ILKAP: variants seen among roughly 807,000 people sequenced by gnomAD.
The protein encoded by ILKAP is ILK associated serine/threonine phosphatase.
In ILKAP, 11 loss-of-function variants were observed where a neutral mutation model predicts 49.1. That is an observed-to-expected ratio of 0.22 (90% CI 0.14 to 0.37). ILKAP has a LOEUF of 0.37. Among genes scored for constraint, ILKAP ranks in the 10% least tolerant of loss-of-function variants. The pLI, the probability that ILKAP is intolerant of heterozygous loss-of-function variation, is 1.00. For synonymous variants in ILKAP, 186 were observed against 192.8 expected, an observed-to-expected ratio of 0.96 and a Z score of 0.29; for missense variants, 363 against 510.8, an observed-to-expected ratio of 0.71 and a Z score of 2.79.
chr2:238,185,802 T>TAA (rs200520377), intron 5 of ILKAP: 25 of 136,620 alleles, frequency 1.8e-4, no homozygotes, highest in Middle Eastern at 3.7e-3. Context: ...AGATTCTGTC[T>TAA]AAAAAAAAAA....
chr2:238,172,511 A>G (rs1056688656), intron 10 of ILKAP, among the ~76,000 whole-genome samples: 3 of 152,166 alleles, frequency 2.0e-5, no homozygotes, highest in African/African-American at 4.8e-5. Context: ...CATGACTACA[A>G]CCCAGGAAGG....
At chr2:238,176,865 C>G (rs1467156025) in intron 9 of ILKAP, among the ~76,000 whole-genome samples, 2 of 152,230 alleles carry the variant, frequency 1.3e-5, no homozygotes, top group Non-Finnish European at 2.9e-5. Context: ...GGTGGAAGCT[C>G]CATCTCCTGA....
Position 238,197,050 on chromosome 2 carries a change from G to A in ILKAP, c.56-2180C>T, listed in dbSNP as rs553750052. ...TGTCTCTCCAGAAATACAAAAATTAGCTAGGCATGGTGGCGGGTGCCTGTA... is the reference window on the plus strand; with the variant it reads ...TGTCTCTCCAGAAATACAAAAATTAACTAGGCATGGTGGCGGGTGCCTGTA... On this transcript the variant is annotated intron_variant, in intron 1 of 11. Coordinates refer to ENST00000254654, the MANE Select transcript of ILKAP (RefSeq NM_030768.3). Among the ~76,000 whole-genome samples the A allele has an allele frequency of 6.6e-5, 10 of 152,262 alleles. 1 individual carries two copies. In the South Asian group the frequency reaches 1.9e-3, roughly 28 times the overall value.
At chr2:238,202,099 C>T (rs1040388663) in intron 1 of ILKAP, among the ~76,000 whole-genome samples, 1 of 152,156 alleles carries the variant, frequency 6.6e-6, no homozygotes, top group South Asian at 2.1e-4. Flanking sequence ...GTGGTCGGCG[C>T]CTGTAATCTC....
At chr2:238,199,017 T>C (rs1249675040) in intron 1 of ILKAP, among the ~76,000 whole-genome samples, 2 of 152,178 alleles carry the variant, frequency 1.3e-5, no homozygotes, top group African/African-American at 4.8e-5. Context: ...CTTTCCACTT[T>C]CCTTAATGCT....
chr2:238,202,458 T>A (rs2106343478), intron 1 of ILKAP, among the ~76,000 whole-genome samples: 1 of 152,200 alleles, frequency 6.6e-6, no homozygotes, highest in Non-Finnish European at 1.5e-5. Flanking sequence ...CTTACTCACC[T>A]CCGTCTACCC....
chr2:238,174,313 C>T (rs1420989915), intron 9 of ILKAP, among the ~76,000 whole-genome samples: 1 of 152,116 alleles, frequency 6.6e-6, no homozygotes, highest in Non-Finnish European at 1.5e-5. Flanking sequence ...GTCCTATTGC[C>T]AAGGAAAAAC....
At chr2:238,173,708 G>A in intron 9 of ILKAP, 55 bp from the exon 10 acceptor site, 2 of 1,574,440 alleles carry the variant, frequency 1.3e-6, no homozygotes, top group Non-Finnish European at 8.7e-7. Flanking sequence ...TGGGTCCACA[G>A]TACTTAGAAT....
intron 4 of ILKAP, 110 bp from the exon 5 acceptor site, chr2:238,188,367 C>A: frequency 2.3e-6 from 3 of 1,317,824 alleles, no homozygotes; most frequent in Non-Finnish European, 3.1e-6. Context: ...CAGCAATATC[C>A]TAATGGCGCA....
rs1481069458 is a variant in ILKAP at position 238,185,219 on chromosome 2, T to C, written c.494A>G (p.Gln165Arg). Residue 165 changes from glutamine to arginine, a missense_variant, in exon 6 of 12, where the codon CAG becomes CGG. Around this residue, in one of 3 missense-constraint regions of ILKAP, gnomAD observed 166 missense variants for 307.3 expected, o/e 0.54. Transcript: ENST00000254654. ...GGIRASKFAA[Q>R]NLHQNLIRKF... is the part of the protein sequence containing the mutation. ...TCTGATTAAGTTTTGATGCAAATTC[T>C]GTGCAGCAAATTTTGAGGCTCGAAT... is the stretch of plus-strand genomic sequence containing the variant. The C allele has an allele frequency of 5.6e-6, 9 of 1,613,658 alleles. No individual in the cohort carries two copies. Among genetic ancestry groups the C allele is most frequent in the Non-Finnish European group, 7.6e-6 (9 of 1,179,662 alleles).
At chr2:238,198,808 T>C (rs548841074) in intron 1 of ILKAP, among the ~76,000 whole-genome samples, 1 of 152,182 alleles carries the variant, frequency 6.6e-6, no homozygotes, top group Non-Finnish European at 1.5e-5. Flanking sequence ...GGGTTGATCA[T>C]ATTCAGGTTA....
At chr2:238,194,459 C>T in intron 2 of ILKAP, 128 bp from the exon 3 acceptor site, 1 of 741,988 alleles carries the variant, frequency 1.3e-6, no homozygotes, top group Non-Finnish European at 2.4e-6. Flanking sequence ...AATCCAGTGG[C>T]AACTCATACT....
intron 1 of ILKAP, among the ~76,000 whole-genome samples, chr2:238,197,344 CAT>C (rs1375358337): frequency 1.2e-4 from 18 of 152,326 alleles, no homozygotes; most frequent in Admixed American, 3.9e-4. Flanking sequence ...TCAAAAACCA[CAT>C]GAGATGTTCC....
chr2:238,188,943 G>A (rs568587445), intron 4 of ILKAP, among the ~76,000 whole-genome samples: 1 of 152,308 alleles, frequency 6.6e-6, no homozygotes, highest in South Asian at 2.1e-4. Context: ...AGCTACAAGT[G>A]GGTTTTTTCA....
intron 1 of ILKAP, among the ~76,000 whole-genome samples, chr2:238,197,086 C>T (rs1694374307): frequency 6.6e-6 from 1 of 152,186 alleles, no homozygotes; most frequent in Non-Finnish European, 1.5e-5. Context: ...GCCCCAGCTA[C>T]TTGGGAGGCT....
At chr2:238,175,928 C>A (rs1054038327) in intron 9 of ILKAP, among the ~76,000 whole-genome samples, 1 of 151,872 alleles carries the variant, frequency 6.6e-6, no homozygotes, top group South Asian at 2.1e-4. Context: ...GGACTACAGG[C>A]GCATGCCACC....
Position 238,188,476 on chromosome 2 carries a change from A to AG in ILKAP, c.299-220dup. ...CAGGGTGAGCTCTAAGAGGTTGCAC[A>AG]GGGACACAAAAGAGGAGTCAGTGAG... is the stretch of plus-strand genomic sequence containing the variant. On this transcript the variant is annotated intron_variant, in intron 4 of 11. Coordinates refer to ENST00000254654, the MANE Select transcript of ILKAP (RefSeq NM_030768.3). 3 of 488,972 alleles carry AG rather than the reference A, an allele frequency of 6.1e-6. No individual in the cohort carries two copies. The South Asian group carries it at 8.3e-5, about 14-fold the overall frequency. The allele number at this position is 488,972 out of a possible 1,614,324, so 30.3% of individuals were successfully genotyped here.
intron 3 of ILKAP, among the ~76,000 whole-genome samples, chr2:238,191,180 A>C: frequency 6.7e-6 from 1 of 149,058 alleles, no homozygotes. Context: ...GACGGAGTCT[A>C]CTCTGTCGCC....
intron 1 of ILKAP, among the ~76,000 whole-genome samples, chr2:238,202,292 CTCAAT>C (rs1694602948): frequency 6.6e-6 from 1 of 152,198 alleles, no homozygotes; most frequent in Admixed American, 6.5e-5. Context: ...TCCTTGGAAG[CTCAAT>C]TCAAACACTG....
Sources: gnomAD v4.1 joint callset for allele counts (sites outside exome capture counted in the v4.1 genomes callset) on GRCh38, gnomAD v4.1.1 for gene constraint, gnomAD v4.1.1 regional missense constraint, MANE v1.5 for transcripts, NCBI Gene and HGNC (gene_info 2026-07-23, HGNC 2026-07-21) for gene names.